The following PMM2 variants were observed in gnomAD, a reference collection of about 807,000 sequenced individuals.
The protein encoded by PMM2 is mannose-6-phosphate isomerase.
Under a neutral mutation model 33.2 loss-of-function variants are expected in PMM2, and 35 were observed. The observed-to-expected ratio is 1.06, with a 90% confidence interval of 0.81 to 1.40. PMM2 has a LOEUF of 1.40. PMM2 is among the 40% of genes most tolerant of loss of function. The pLI, the probability that PMM2 is intolerant of heterozygous loss-of-function variation, is 0.00. For missense variants in PMM2, 386 were observed against 306.0 expected, an observed-to-expected ratio of 1.26 and a Z score of -1.95; for synonymous variants, 153 against 114.7, an observed-to-expected ratio of 1.33 and a Z score of -2.13.
At chr16:8,817,484 G>A (rs2060714611) in intron 7 of PMM2, among the ~76,000 whole-genome samples, 1 of 152,224 alleles carries the variant, frequency 6.6e-6, no homozygotes, top group Non-Finnish European at 1.5e-5. Context: ...CTTGCTTCAT[G>A]TAAATAGCCA....
chr16:8,836,357 T>C (rs1201099717), intron 7 of PMM2, among the ~76,000 whole-genome samples: 4 of 152,028 alleles, frequency 2.6e-5, no homozygotes, highest in African/African-American at 9.7e-5. Context: ...GGGGAGTGGC[T>C]GCCAGGTGAG....
intron 1 of PMM2, among the ~76,000 whole-genome samples, chr16:8,801,375 A>G (rs78190774): frequency 0.011 from 1,607 of 152,324 alleles, 28 homozygotes; most frequent in African/African-American, 0.037. Flanking sequence ...CTTAATTGGC[A>G]TGTATGAAAA....
intron 6 of PMM2, among the ~76,000 whole-genome samples, chr16:8,812,003 A>G (rs2060680479): frequency 1.3e-5 from 2 of 152,238 alleles, no homozygotes; most frequent in African/African-American, 4.8e-5. Flanking sequence ...GAGCACTTTG[A>G]TTACTAAAGA....
At chr16:8,832,784 C>T (rs2060818535) in intron 7 of PMM2, 9 of 985,340 alleles carry the variant, frequency 9.1e-6, no homozygotes, top group Non-Finnish European at 8.4e-6. Flanking sequence ...ATCTGTGAGG[C>T]CCGCTGTGGC....
At chr16:8,805,250 TAG>T (rs1467154510) in intron 3 of PMM2, among the ~76,000 whole-genome samples, 1 of 151,928 alleles carries the variant, frequency 6.6e-6, no homozygotes, top group African/African-American at 2.4e-5. Flanking sequence ...GTATTTTTGG[TAG>T]AGACAGGGTT....
intron 7 of PMM2, among the ~76,000 whole-genome samples, chr16:8,830,411 A>G (rs2060802949): frequency 6.6e-6 from 1 of 152,240 alleles, no homozygotes; most frequent in Admixed American, 6.5e-5. Context: ...TTATTACTCA[A>G]ATCAGTCTCC....
intron 7 of PMM2, among the ~76,000 whole-genome samples, chr16:8,842,774 T>C (rs28803556): frequency 0.25 from 38,026 of 152,152 alleles, 4,875 homozygotes; most frequent in South Asian, 0.34. Flanking sequence ...TAGAAGCCTA[T>C]GCTGTAGCAG....
intron 7 of PMM2, among the ~76,000 whole-genome samples, chr16:8,844,846 G>A (rs759945955): frequency 2.6e-5 from 4 of 152,238 alleles, no homozygotes; most frequent in Non-Finnish European, 4.4e-5. Context: ...GAGGGATAGG[G>A]AGGTTGGAGA....
At chr16:8,825,760 T>C (rs888105215) in intron 7 of PMM2, among the ~76,000 whole-genome samples, 1 of 149,946 alleles carries the variant, frequency 6.7e-6, no homozygotes, top group South Asian at 2.1e-4. Flanking sequence ...AACACTATTT[T>C]TTTTTTTTTT....
chr16:8,805,583 A>C (rs1411976787), intron 3 of PMM2, among the ~76,000 whole-genome samples: 1 of 149,894 alleles, frequency 6.7e-6, no homozygotes, highest in Non-Finnish European at 1.5e-5. Context: ...CTTCACTATA[A>C]GCATTTTTTT....
At chr16:8,838,152 A>G in intron 7 of PMM2, among the ~76,000 whole-genome samples, 1 of 152,076 alleles carries the variant, frequency 6.6e-6, no homozygotes, top group Non-Finnish European at 1.5e-5. Context: ...TTTTGTGGGC[A>G]GGAGTGGATC....
rs113568118 is a variant in PMM2, at chr16:8,802,392, G to A, written c.178+482G>A. 2.9e-3 allele frequency: 1,210 copies of A among 419,336 alleles called. 23 individuals carry two copies. The highest frequency in any genetic ancestry group is 0.023 in the African/African-American group (1,098 of 48,172). 26.0% of individuals were successfully genotyped at this position (419,336 alleles called of 1,614,324 possible). On this transcript the variant is annotated intron_variant, in intron 2 of 7. Transcript: ENST00000268261. The stretch of plus-strand genomic sequence containing the variant: ...TGGAGCCTGGGAATCCTATTTCAGT[G>A]AGTACCTCTGAGAGATTCTAGTGTA...
rs547057460 is a variant in PMM2, at chr16:8,811,702, C to T, written c.512C>T (p.Thr171Met). ...LRKEFAGKGL[T>M]FSIGGQISFD... ...AAAGAGTTTGCTGGAAAAGGCCTCACGTTTTCCATAGGTATTGTATATATT... is the reference window on the plus strand; with the variant it reads ...AAAGAGTTTGCTGGAAAAGGCCTCATGTTTTCCATAGGTATTGTATATATT... Residue 171 changes from threonine to methionine, a missense_variant, in exon 6 of 8, where the codon ACG becomes ATG. By Grantham distance (81) the Thr-to-Met change is moderately conservative. Coordinates refer to ENST00000268261, the MANE Select transcript of PMM2 (RefSeq NM_000303.3). The T allele has an allele frequency of 5.0e-6, 8 of 1,608,540 alleles. No homozygotes were observed. The highest frequency in any genetic ancestry group is 4.4e-5 in the South Asian group (4 of 90,982).
intron 7 of PMM2, among the ~76,000 whole-genome samples, chr16:8,844,414 C>G (rs957992820): frequency 6.6e-6 from 1 of 151,782 alleles, no homozygotes; most frequent in Non-Finnish European, 1.5e-5. Context: ...CACAGAGATA[C>G]GAGTTTGGGG....
intron 1 of PMM2, among the ~76,000 whole-genome samples, chr16:8,799,059 C>A (rs1376482547): frequency 6.6e-6 from 1 of 152,126 alleles, no homozygotes; most frequent in Admixed American, 6.5e-5. Context: ...CTCCGGTCCC[C>A]AATTCATTTT....
chr16:8,813,182 T>A, intron 7 of PMM2, 76 bp downstream of exon 7: 1 of 933,302 alleles, frequency 1.1e-6, no homozygotes, highest in Non-Finnish European at 1.8e-6. Flanking sequence ...TGGGCTGTTT[T>A]TCCTGTACCT....
intron 7 of PMM2, among the ~76,000 whole-genome samples, chr16:8,847,445 T>C (rs976086495): frequency 6.8e-6 from 1 of 146,726 alleles, no homozygotes; most frequent in African/African-American, 2.5e-5. Context: ...TGTAGAAAAA[T>C]AAGCCTTAGA....
chr16:8,804,035 T>TTTTTGG (rs527511299), intron 2 of PMM2, among the ~76,000 whole-genome samples: 1 of 88,716 alleles, frequency 1.1e-5, no homozygotes, highest in Non-Finnish European at 2.4e-5. Context: ...TTTTTTGTTT[T>TTTTTGG]TTTTTTTTTT....
intron 7 of PMM2, among the ~76,000 whole-genome samples, chr16:8,836,546 T>G (rs1465092102): frequency 6.6e-6 from 1 of 152,042 alleles, no homozygotes; most frequent in East Asian, 1.9e-4. Context: ...GAAGTTCTTG[T>G]GTGCTGGAGA....
Sources: allele counts gnomAD v4.1 joint callset (sites outside exome capture counted in the v4.1 genomes callset), GRCh38; gene constraint gnomAD v4.1.1; transcripts MANE v1.5; gene names NCBI Gene and HGNC (gene_info 2026-07-23, HGNC 2026-07-21).